ZNF254: variants seen among roughly 807,000 people sequenced by gnomAD.
ZNF254 encodes CTD-2017D11.1.
In ZNF254, 10 loss-of-function variants were observed where a neutral mutation model predicts 12.4. That is an observed-to-expected ratio of 0.80 (90% CI 0.50 to 1.36). ZNF254 has a LOEUF of 1.36. Ranked by LOEUF, ZNF254 falls within the 40% of genes most tolerant of loss-of-function variation. ZNF254 has a pLI of 0.00. For missense variants in ZNF254, 996 were observed against 763.9 expected, an observed-to-expected ratio of 1.30 and a Z score of -3.58; for synonymous variants, 305 against 253.4, an observed-to-expected ratio of 1.20 and a Z score of -1.93.
chr19:24,082,543 G>A, upstream of ZNF254, among the ~76,000 whole-genome samples: 1 of 123,786 alleles, frequency 8.1e-6, no homozygotes. Flanking sequence ...CCAGCTACTT[G>A]GGAGGCTGAG....
chr19:24,073,641 ACT>A (rs983208395), intron 2 of ZNF254, among the ~76,000 whole-genome samples: 10 of 152,048 alleles, frequency 6.6e-5, no homozygotes, highest in African/African-American at 2.2e-4. Context: ...TGGAAAATTG[ACT>A]CTCATACATG....
Position 24,127,756 on chromosome 19 carries a change from T to C in ZNF254, c.1756T>C (p.Ser586Pro), listed in dbSNP as rs189296193. The C allele has an allele frequency of 3.4e-5, 55 of 1,612,412 alleles. No homozygotes were observed. The Admixed American group carries it at 8.4e-4, about 25-fold the overall frequency. ...AGAATGTGGCAAATCTTTTAACCGG[T>C]CTTCAACTTTTACTAAACATAAGGT... ...CEECGKSFNRSSTFTKHKVIH... is the reference protein window; with the variant it reads ...CEECGKSFNRPSTFTKHKVIH... The change falls in exon 4 of 4, where the codon TCT becomes CCT. Residue 586 changes from serine to proline, a missense_variant. Ser to Pro is a moderately conservative substitution (Grantham distance 74). Coordinates refer to ENST00000357002, the MANE Select transcript of ZNF254 (RefSeq NM_203282.4).
chr19:24,098,358 C>T (rs914445458), intron 1 of ZNF254: 7 of 152,196 alleles, frequency 4.6e-5, no homozygotes, highest in African/African-American at 1.4e-4. Flanking sequence ...TAATACCTCT[C>T]TAGTAAGCTA....
At chr19:24,116,622 T>G (rs1974097084) in intron 3 of ZNF254, among the ~76,000 whole-genome samples, 1 of 151,890 alleles carries the variant, frequency 6.6e-6, no homozygotes, top group Non-Finnish European at 1.5e-5. Context: ...AGTTTTTAAC[T>G]TCTTTGCCTT....
At chr19:24,059,059 T>C (rs1970972092) in intron 2 of ZNF254, among the ~76,000 whole-genome samples, 1 of 152,254 alleles carries the variant, frequency 6.6e-6, no homozygotes, top group Admixed American at 6.5e-5. Context: ...AACATACCGC[T>C]GGGCCCAACA....
At chr19:24,090,405 C>T (rs576678950) in intron 1 of ZNF254, among the ~76,000 whole-genome samples, 1 of 152,242 alleles carries the variant, frequency 6.6e-6, no homozygotes, top group African/African-American at 2.4e-5. Flanking sequence ...ATATCTGTGT[C>T]TTGAAAAGGT....
chr19:24,100,309 C>T (rs1393312431), intron 1 of ZNF254, among the ~76,000 whole-genome samples: 2 of 150,142 alleles, frequency 1.3e-5, no homozygotes, highest in African/African-American at 4.9e-5. Flanking sequence ...CTCACAATTG[C>T]AGGTAACAAC....
intron 2 of ZNF254, among the ~76,000 whole-genome samples, chr19:24,058,165 A>T (rs1452206077): frequency 6.6e-6 from 1 of 152,072 alleles, no homozygotes; most frequent in Admixed American, 6.6e-5. Flanking sequence ...TATGTACAGG[A>T]TTGTTAATCT....
At chr19:24,119,130 T>C (rs1263968566) in intron 3 of ZNF254, among the ~76,000 whole-genome samples, 7 of 151,622 alleles carry the variant, frequency 4.6e-5, no homozygotes, top group African/African-American at 1.7e-4. Context: ...AAAAAAGTTA[T>C]CTTCTTATGT....
chr19:24,047,527 C>T (rs1175762224), intron 2 of ZNF254, among the ~76,000 whole-genome samples: 1 of 151,554 alleles, frequency 6.6e-6, no homozygotes, highest in Non-Finnish European at 1.5e-5. Flanking sequence ...TTTCAGTTTC[C>T]CCAAGTGTTG....
chr19:24,113,194 A>G (rs1038078888), intron 3 of ZNF254, among the ~76,000 whole-genome samples: 4 of 152,340 alleles, frequency 2.6e-5, no homozygotes, highest in Admixed American at 6.5e-5. Context: ...GGCCAGCATC[A>G]TCCTGTTACC....
At chr19:24,125,718 G>T (rs1469755256) in intron 3 of ZNF254, among the ~76,000 whole-genome samples, 1 of 152,088 alleles carries the variant, frequency 6.6e-6, no homozygotes, top group Non-Finnish European at 1.5e-5. Flanking sequence ...CATTTCTGTG[G>T]TACTGCAGTC....
At chr19:24,119,054 G>T (rs974879784) in intron 3 of ZNF254, among the ~76,000 whole-genome samples, 2 of 152,024 alleles carry the variant, frequency 1.3e-5, no homozygotes, top group African/African-American at 4.8e-5. Flanking sequence ...AGAGATTGGA[G>T]TGATTGGAGA....
upstream of ZNF254, among the ~76,000 whole-genome samples, chr19:24,083,504 A>G (rs1392154533): frequency 6.6e-6 from 1 of 152,206 alleles, no homozygotes; most frequent in Non-Finnish European, 1.5e-5. Flanking sequence ...TAGACAAAGC[A>G]AGACTAAGCA....
intron 2 of ZNF254, among the ~76,000 whole-genome samples, chr19:24,074,938 A>T (rs1971606161): frequency 6.6e-6 from 1 of 152,116 alleles, no homozygotes; most frequent in Admixed American, 6.5e-5. Context: ...CTGGGCCCAG[A>T]ACCTAAATGA....
chr19:24,033,701 G>A (rs1969850123), intron 1 of ZNF254: 3 of 285,614 alleles, frequency 1.1e-5, no homozygotes, highest in South Asian at 8.1e-5. Context: ...ACCGCTCCCG[G>A]GTTTCCGACC....
chr19:24,058,351 G>A (rs149114739), intron 2 of ZNF254, among the ~76,000 whole-genome samples: 255 of 151,576 alleles, frequency 1.7e-3, no homozygotes, highest in Middle Eastern at 6.9e-3. Flanking sequence ...TAGGCATTGG[G>A]ACATATCACT....
intron 3 of ZNF254, among the ~76,000 whole-genome samples, chr19:24,108,883 C>T (rs555495752): frequency 1.6e-4 from 24 of 152,266 alleles, no homozygotes; most frequent in South Asian, 4.1e-4. Flanking sequence ...GAGCCAGGCG[C>T]GGTGGCTCAC....
At chr19:24,120,436 A>G (rs961759485) in intron 3 of ZNF254, among the ~76,000 whole-genome samples, 4 of 152,150 alleles carry the variant, frequency 2.6e-5, no homozygotes, top group Admixed American at 2.6e-4. Context: ...GTTTATTAAT[A>G]TAAAAATTAT....
Sources: allele counts gnomAD v4.1 joint callset (sites outside exome capture counted in the v4.1 genomes callset), GRCh38; gene constraint gnomAD v4.1.1; transcripts MANE v1.5; gene names NCBI Gene and HGNC (gene_info 2026-07-23, HGNC 2026-07-21).